SLC39A5: variants seen among roughly 807,000 people sequenced by gnomAD.
SLC39A5 encodes the protein zinc transporter ZIP5.
Under a neutral mutation model 46.9 loss-of-function variants are expected in SLC39A5, and 42 were observed. The observed-to-expected ratio is 0.90, with a 90% CI of 0.70 to 1.16. The LOEUF (loss-of-function observed/expected upper bound fraction) is 1.16. Among genes scored for constraint, SLC39A5 ranks in the 50% most tolerant of loss-of-function variants. The pLI, the probability that SLC39A5 is intolerant of heterozygous loss-of-function variation, is 0.00. For missense variants in SLC39A5, 677 were observed against 686.8 expected, an observed-to-expected ratio of 0.99 and a Z score of 0.16; for synonymous variants, 311 against 323.1, an observed-to-expected ratio of 0.96 and a Z score of 0.40.
chr12:56,237,114 C>G lies in SLC39A5; in HGVS notation c.1289-36C>G, dbSNP rs374778265. ...GTGGCATGGATGAGGGGCACCCCAG[C>G]TTACTCCCTCCCATCCTGTCCTCTG... On this transcript the variant is annotated intron_variant, in intron 11 of 12. Coordinates refer to ENST00000454355, the MANE Select transcript of SLC39A5 (RefSeq NM_173596.3). 13 of 1,612,952 alleles carry G rather than the reference C, an allele frequency of 8.1e-6. No homozygotes were observed. The African/African-American group carries it at 1.3e-4, about 17-fold the overall frequency.
At position 56,235,520 on chromosome 12, in the gene SLC39A5, T is replaced by C. The variant is rs767449418; in HGVS notation, c.805-40T>C. Reference sequence around the variant, plus strand: ...CCATGCAAGGGGATGTTGTTGGGTATAGGGGCTTCCAGAGTCTGCCCTGAC... The same window carrying C: ...CCATGCAAGGGGATGTTGTTGGGTACAGGGGCTTCCAGAGTCTGCCCTGAC... On this transcript the variant is annotated intron_variant, in intron 7 of 12. Coordinates refer to ENST00000454355, the MANE Select transcript of SLC39A5 (RefSeq NM_173596.3). 2.5e-6 allele frequency: 4 copies of C among 1,604,912 alleles called. No homozygotes were observed. In the South Asian group the frequency reaches 4.4e-5, roughly 18 times the overall value.
chr12:56,237,491 G>A lies in SLC39A5; in HGVS notation c.1480-97G>A, dbSNP rs564511364. On this transcript the variant is annotated intron_variant, in intron 12 of 12. Coordinates refer to ENST00000454355, the MANE Select transcript of SLC39A5 (RefSeq NM_173596.3). Reference sequence around the variant, plus strand: ...AGTCTGAGAAACAAGGGACTAAGGTGTTTGGGTGGGGGCTGCTGATGCTTT... The same window carrying A: ...AGTCTGAGAAACAAGGGACTAAGGTATTTGGGTGGGGGCTGCTGATGCTTT... 6.9e-6 allele frequency: 11 copies of A among 1,583,244 alleles called. No homozygotes were observed. In the Admixed American group the frequency reaches 1.0e-4, roughly 15 times the overall value.
At position 56,233,264 on chromosome 12, in the gene SLC39A5, C is replaced by CA. The variant is rs71081337; in HGVS notation, c.471+429dup. On this transcript the variant is annotated intron_variant, in intron 5 of 12. Coordinates refer to ENST00000454355, the MANE Select transcript of SLC39A5 (RefSeq NM_173596.3). ...GGGCAACAAGAGGGAGACTCTGTCT[C>CA]AAAAAAAAAAAAAAAAAAAAAAAAA... Among the ~76,000 whole-genome samples the CA allele has an allele frequency of 5.0e-3, 156 of 31,030 alleles. 27 individuals are homozygous for CA. The highest frequency in any genetic ancestry group is 5.3e-3 in the African/African-American group (39 of 7,290). 20.4% of individuals were successfully genotyped at this position (31,030 alleles called of 152,430 possible).
At position 56,237,331 on chromosome 12, in the gene SLC39A5, T is replaced by C. The variant is rs200013030; in HGVS notation, c.1470T>C (p.Leu490=). The change falls in exon 12 of 13, where the codon CTT becomes CTC. Residue 490 remains leucine, a synonymous_variant. Coordinates refer to ENST00000454355, the MANE Select transcript of SLC39A5 (RefSeq NM_173596.3). ...VTAGVFLYVA[L]VDMLPALLRP... ...CTGGGGTCTTCCTCTATGTGGCCCTTGTGGACATGGTGAGAGATGTCGGGT... is the reference window on the plus strand; with the variant it reads ...CTGGGGTCTTCCTCTATGTGGCCCTCGTGGACATGGTGAGAGATGTCGGGT... The C allele has an allele frequency of 1.9e-6, 3 of 1,593,404 alleles. No homozygotes were observed. The highest frequency in any genetic ancestry group is 2.3e-5 in the South Asian group (2 of 88,026).
At chr12:56,232,997 C>T in intron 5 of SLC39A5, 125 bp downstream of exon 5, 2 of 997,938 alleles carry the variant, frequency 2.0e-6, no homozygotes, top group Non-Finnish European at 2.9e-6. Flanking sequence ...CGTGGTGGCT[C>T]ACGCCTGTAA....
chr12:56,235,723 C>T (rs1565601415), intron 8 of SLC39A5, 23 bp downstream of exon 8: 1 of 1,613,192 alleles, frequency 6.2e-7, no homozygotes, highest in Admixed American at 1.7e-5. Flanking sequence ...CTTTTCTCCT[C>T]CTTCTGCTGA....
rs952763990 is a variant in SLC39A5, at chr12:56,232,029, C to A, written c.287+468C>A. On this transcript the variant is annotated intron_variant, in intron 4 of 12. Coordinates refer to ENST00000454355, the MANE Select transcript of SLC39A5 (RefSeq NM_173596.3). ...CTACAGATGTGAACTACCACCCTAG[C>A]CCTCCGTTGCCTTCTAATTCTCTCC... is the stretch of plus-strand genomic sequence containing the variant. Among the ~76,000 whole-genome samples the A allele has an allele frequency of 1.2e-4, 19 of 152,110 alleles. No individual in the cohort carries two copies. The South Asian group carries it at 3.9e-3, about 32-fold the overall frequency.
chr12:56,232,916 A>T (rs1313109020), intron 5 of SLC39A5, 44 bp downstream of exon 5: 1 of 1,535,264 alleles, frequency 6.5e-7, no homozygotes, highest in South Asian at 1.2e-5. Context: ...ATGGGATTAG[A>T]TGGCCTGAAA....
Position 56,231,192 on chromosome 12 carries a change from TCA to T in SLC39A5, c.-71-11_-71-10del, listed in dbSNP as rs1870169656. On this transcript the variant is annotated splice_polypyrimidine_tract_variant and intron_variant, in intron 3 of 12. Transcript: ENST00000454355. ...GCAGAGCGCAGCTCCAGCCCATTCCTCATTCTTCCAGGGCACAGTCCTCAGGA... is the reference window on the plus strand; with the variant it reads ...GCAGAGCGCAGCTCCAGCCCATTCCTTTCTTCCAGGGCACAGTCCTCAGGA... 1.4e-6 allele frequency: 2 copies of T among 1,447,646 alleles called. No individual in the cohort carries two copies. Among genetic ancestry groups the T allele is most frequent in the African/African-American group, 2.8e-5 (2 of 70,298 alleles). 89.7% of individuals were successfully genotyped at this position (1,447,646 alleles called of 1,614,324 possible).
chr12:56,233,421 G>A (rs1310477512), intron 5 of SLC39A5, among the ~76,000 whole-genome samples: 1 of 151,646 alleles, frequency 6.6e-6, no homozygotes, highest in East Asian at 1.9e-4. Context: ...CTGCACTCCA[G>A]CCTGGGTAAC....
chr12:56,232,657 G>A (rs752505413), intron 4 of SLC39A5, 32 bp from the exon 5 acceptor site: 1 of 1,565,724 alleles, frequency 6.4e-7, no homozygotes, highest in East Asian at 2.4e-5. Flanking sequence ...GAGAACACAA[G>A]GGAGGCTGAC....
chr12:56,235,231 C>T lies in SLC39A5; in HGVS notation c.709C>T (p.Leu237=), dbSNP rs757181648. ...CCTATCCCTGCTGCTGCTGCGGCTCCTGGGACCTCGTCTACTACGGCCCTT... is the reference window on the plus strand; with the variant it reads ...CCTATCCCTGCTGCTGCTGCGGCTCTTGGGACCTCGTCTACTACGGCCCTT... ...SPLSLLLLRL[L]GPRLLRPLLG... Residue 237 remains leucine (L), a synonymous_variant, in exon 7 of 13, where the codon CTG becomes TTG. Transcript: ENST00000454355. The T allele has an allele frequency of 6.3e-7, 1 of 1,586,564 alleles. No homozygotes were observed. The highest frequency in any genetic ancestry group is 8.6e-7 in the Non-Finnish European group (1 of 1,168,122).
At chr12:56,234,716 C>A in intron 5 of SLC39A5, 108 bp from the exon 6 acceptor site, 2 of 1,241,404 alleles carry the variant, frequency 1.6e-6, no homozygotes, top group Non-Finnish European at 2.3e-6. Context: ...CCGCCTGGGC[C>A]TCTCAAGGGC....
In SLC39A5 at chr12:56,236,643, T is replaced by A; in HGVS notation, c.1104T>A (p.Pro368=). The change falls in exon 10 of 13, where the codon CCT becomes CCA. Residue 368 remains proline (P), a synonymous_variant. Transcript: ENST00000454355. ...AGCACCCACCAGCTCTGGCCCCTCC[T>A]GGGCACCAAGGCCACAGTCATGGGC... ...NSQHPPALAP[P]GHQGHSHGHQ... 6.2e-7 allele frequency: 1 copy of A among 1,613,696 alleles called. No individual in the cohort carries two copies. The highest frequency in any genetic ancestry group is 8.5e-7 in the Non-Finnish European group (1 of 1,179,738).
Position 56,234,899 on chromosome 12 carries a change from C to T in SLC39A5, c.547C>T (p.Leu183=). Residue 183 remains leucine (L), a synonymous_variant, in exon 6 of 13, where the codon CTG becomes TTG. Transcript: ENST00000454355. The stretch of plus-strand genomic sequence containing the variant: ...TCCTCTGACCCCTCGTCAGTTTGCT[C>T]TGCTGTGCCCAGCCCTGCTTTATCA... ...AAPLTPRQFA[L]LCPALLYQID... 2 of 1,613,956 alleles carry T rather than the reference C, an allele frequency of 1.2e-6. No homozygotes were observed. The highest frequency in any genetic ancestry group is 1.7e-6 in the Non-Finnish European group (2 of 1,180,040).
In SLC39A5 at chr12:56,232,624, G is replaced by A. The variant is rs910868926; in HGVS notation, c.288-65G>A. On this transcript the variant is annotated intron_variant, in intron 4 of 12. Coordinates refer to ENST00000454355, the MANE Select transcript of SLC39A5 (RefSeq NM_173596.3). The stretch of plus-strand genomic sequence containing the variant: ...CCCCCATTCCCCCTAAAATCCCTGG[G>A]AGCCTCTCAAAGCGGGTTGATAGAG... 63 of 1,435,064 alleles carry A rather than the reference G, an allele frequency of 4.4e-5. No homozygotes were observed. In the African/African-American group the frequency reaches 7.5e-4, roughly 17 times the overall value. The allele number at this position is 1,435,064 out of a possible 1,614,324, so 88.9% of individuals were successfully genotyped here.
chr12:56,236,882 G>A, intron 10 of SLC39A5, 49 bp from the exon 11 acceptor site: 2 of 1,610,154 alleles, frequency 1.2e-6, no homozygotes, highest in Admixed American at 3.3e-5. Context: ...ACCTGCTTCT[G>A]AGGAGACTTT....
chr12:56,233,165 A>C lies in SLC39A5; in HGVS notation c.471+293A>C, dbSNP rs1259838479. ...GTAATCCTAGCTACTCAGGAGGCTGAGGTGAGAAAATTGCTTGAACTTGGG... is the reference window on the plus strand; with the variant it reads ...GTAATCCTAGCTACTCAGGAGGCTGCGGTGAGAAAATTGCTTGAACTTGGG... On this transcript the variant is annotated intron_variant, in intron 5 of 12. Coordinates refer to ENST00000454355, the MANE Select transcript of SLC39A5 (RefSeq NM_173596.3). Among the ~76,000 whole-genome samples, 9 of 146,722 alleles carry C rather than the reference A, an allele frequency of 6.1e-5. No individual in the cohort carries two copies. In the South Asian group the frequency reaches 2.0e-3, roughly 33 times the overall value.
In SLC39A5 at chr12:56,237,580, T is replaced by C. The variant is rs78460555; in HGVS notation, c.1480-8T>C. On this transcript the variant is annotated splice_polypyrimidine_tract_variant and splice_region_variant and intron_variant, in intron 12 of 12. Transcript: ENST00000454355. ...GGCCAGAATCCTGACATCCTCTTTT[T>C]CTTTCAGCTACCAGCCCTGCTTCGT... 2,186 of 1,613,786 alleles carry C rather than the reference T, an allele frequency of 1.4e-3. 27 individuals are homozygous for C. The African/African-American group carries it at 0.026, about 19-fold the overall frequency.
Sources: gnomAD v4.1 joint callset for allele counts (sites outside exome capture counted in the v4.1 genomes callset) on GRCh38, gnomAD v4.1.1 for gene constraint, MANE v1.5 for transcripts, NCBI Gene and HGNC (gene_info 2026-07-23, HGNC 2026-07-21) for gene names.